CAMTA1: variants seen among roughly 807,000 people sequenced by gnomAD.
The protein encoded by CAMTA1 is calmodulin binding transcription activator 1, also known as calmodulin-binding transcription activator 1.
Under a neutral mutation model 170.9 loss-of-function variants are expected in CAMTA1, and 27 were observed. The observed-to-expected ratio is 0.16, with a 90% CI of 0.12 to 0.22. CAMTA1 has a LOEUF of 0.22. Ranked by LOEUF, CAMTA1 falls within the 10% of genes least tolerant of loss-of-function variation. The pLI, the probability that CAMTA1 is intolerant of heterozygous loss-of-function variation, is 1.00. For synonymous variants in CAMTA1, 833 were observed against 891.5 expected, an observed-to-expected ratio of 0.93 and a Z score of 1.17; for missense variants, 1,619 against 2,217.2, an observed-to-expected ratio of 0.73 and a Z score of 5.42.
At chr1:7,374,108 C>G (rs1481149854) in intron 5 of CAMTA1, among the ~76,000 whole-genome samples, 1 of 152,200 alleles carries the variant, frequency 6.6e-6, no homozygotes, top group Admixed American at 6.5e-5. Context: ...GGAGTTAGTA[C>G]ACGTCATTGA....
At chr1:6,871,080 T>G (rs1438217951) in intron 3 of CAMTA1, among the ~76,000 whole-genome samples, 2 of 152,172 alleles carry the variant, frequency 1.3e-5, no homozygotes, top group Non-Finnish European at 2.9e-5. Flanking sequence ...TAATAACACT[T>G]ATTGATGAAA....
chr1:7,683,177 G>C, intron 11 of CAMTA1, among the ~76,000 whole-genome samples: 1 of 114,898 alleles, frequency 8.7e-6, no homozygotes, highest in African/African-American at 3.2e-5. Context: ...GCGAGACTCT[G>C]TCTCAAAAAA....
chr1:7,697,084 T>C (rs965501828), intron 11 of CAMTA1, among the ~76,000 whole-genome samples: 5 of 152,216 alleles, frequency 3.3e-5, no homozygotes, highest in Admixed American at 3.3e-4. Flanking sequence ...TAGGGCATCC[T>C]GGCCAACTCC....
At chr1:6,909,159 A>G (rs1261070619) in intron 3 of CAMTA1, among the ~76,000 whole-genome samples, 1 of 152,210 alleles carries the variant, frequency 6.6e-6, no homozygotes, top group Admixed American at 6.5e-5. Context: ...AGAAAACTCA[A>G]TTTATTTGTC....
intron 4 of CAMTA1, among the ~76,000 whole-genome samples, chr1:7,124,279 C>G (rs1462646852): frequency 6.6e-6 from 1 of 152,206 alleles, no homozygotes; most frequent in African/African-American, 2.4e-5. Flanking sequence ...CACCTGTCCC[C>G]TGTTGCGTTC....
intron 4 of CAMTA1, among the ~76,000 whole-genome samples, chr1:7,124,937 G>A (rs1307840567): frequency 6.6e-6 from 1 of 152,170 alleles, no homozygotes; most frequent in Non-Finnish European, 1.5e-5. Flanking sequence ...AGGAGATTTT[G>A]TCGGGGGAAG....
intron 11 of CAMTA1, among the ~76,000 whole-genome samples, chr1:7,719,394 T>A (rs1023495445): frequency 2.0e-5 from 3 of 152,328 alleles, no homozygotes; most frequent in African/African-American, 4.8e-5. Context: ...GTTGGTCCGT[T>A]GTTTTGGCAG....
intron 3 of CAMTA1, among the ~76,000 whole-genome samples, chr1:7,083,061 A>T (rs545325993): frequency 6.2e-4 from 95 of 152,284 alleles, no homozygotes; most frequent in African/African-American, 2.2e-3. Flanking sequence ...GACCGGGTGA[A>T]TTGCTTCTTT....
In CAMTA1 at chr1:7,664,462, G is replaced by A. The variant is rs2095985360; in HGVS notation, c.1915G>A (p.Gly639Arg). The change falls in exon 9 of 23, where the codon GGG becomes AGG. Residue 639 changes from glycine (G) to arginine (R), a missense_variant. Physicochemically the swap from Gly to Arg is moderately radical, Grantham distance 125 (BLOSUM62 -2). This residue lies in a region of CAMTA1 where 731 missense variants were observed against 907.6 expected (regional missense o/e 0.81). Coordinates refer to ENST00000303635, the MANE Select transcript of CAMTA1 (RefSeq NM_015215.4). ...CACCCACAGCAGCCTGAGTGACTCT[G>A]GGGGCACCTTCGTGATGCCCACGGT... ...QNTHSSLSDS[G>R]GTFVMPTVKT... The A allele has an allele frequency of 6.2e-7, 1 of 1,613,366 alleles. No individual in the cohort carries two copies. Among genetic ancestry groups the A allele is most frequent in the Non-Finnish European group, 8.5e-7 (1 of 1,180,026 alleles).
chr1:6,953,205 A>C (rs976048667), intron 3 of CAMTA1, among the ~76,000 whole-genome samples: 5 of 152,194 alleles, frequency 3.3e-5, no homozygotes, highest in African/African-American at 1.2e-4. Context: ...CCAGGGATTC[A>C]GTATAGATTC....
intron 5 of CAMTA1, among the ~76,000 whole-genome samples, chr1:7,271,509 A>G (rs1026819709): frequency 1.3e-5 from 2 of 152,102 alleles, no homozygotes; most frequent in African/African-American, 4.8e-5. Context: ...TGAAACCAGA[A>G]GTTGATACTC....
At chr1:7,643,525 A>G (rs898601209) in intron 7 of CAMTA1, among the ~76,000 whole-genome samples, 1 of 152,180 alleles carries the variant, frequency 6.6e-6, no homozygotes, top group South Asian at 2.1e-4. Context: ...CTGCCCATCC[A>G]TCAGACAGGA....
At chr1:7,572,595 G>A (rs928580508) in intron 6 of CAMTA1, among the ~76,000 whole-genome samples, 2 of 152,154 alleles carry the variant, frequency 1.3e-5, no homozygotes, top group African/African-American at 4.8e-5. Flanking sequence ...ATTGAATAAA[G>A]AGTTCTTTCC....
intron 11 of CAMTA1, among the ~76,000 whole-genome samples, chr1:7,691,983 G>GGGAGGGAGGGAAGGAA (rs2096320375): frequency 2.7e-5 from 1 of 36,522 alleles, no homozygotes; most frequent in East Asian, 4.5e-4. Context: ...GAAGGAAGGA[G>GGGAGGGAGGGAAGGAA]GGAGGGAGGG....
chr1:7,645,805 C>T (rs758200284), intron 7 of CAMTA1, among the ~76,000 whole-genome samples: 24 of 152,272 alleles, frequency 1.6e-4, no homozygotes, highest in Non-Finnish European at 2.9e-4. Flanking sequence ...AGGGCCTACG[C>T]CCACACCACA....
intron 3 of CAMTA1, among the ~76,000 whole-genome samples, chr1:6,969,454 C>A (rs1019115850): frequency 3.3e-5 from 5 of 152,112 alleles, no homozygotes; most frequent in Non-Finnish European, 5.9e-5. Context: ...GAACCTGGTC[C>A]GGCTCCTCCC....
chr1:7,705,470 CGT>C (rs971149889), intron 11 of CAMTA1, among the ~76,000 whole-genome samples: 2 of 148,806 alleles, frequency 1.3e-5, no homozygotes, highest in African/African-American at 2.5e-5. Context: ...AGGACGCGCG[CGT>C]GTGTCTGTGT....
intron 6 of CAMTA1, among the ~76,000 whole-genome samples, chr1:7,599,219 T>G (rs934433199): frequency 1.3e-5 from 2 of 152,232 alleles, no homozygotes; most frequent in African/African-American, 4.8e-5. Flanking sequence ...TTTCTTGTTT[T>G]TGTCAGGTTT....
At chr1:7,696,864 T>A (rs1048344931) in intron 11 of CAMTA1, among the ~76,000 whole-genome samples, 5 of 152,116 alleles carry the variant, frequency 3.3e-5, no homozygotes, top group Non-Finnish European at 7.4e-5. Flanking sequence ...GGTGAAGAAG[T>A]GCATGGACAT....
Sources: allele counts gnomAD v4.1 joint callset (sites outside exome capture counted in the v4.1 genomes callset), GRCh38; gene constraint gnomAD v4.1.1; regional missense constraint gnomAD v4.1.1; transcripts MANE v1.5; gene names NCBI Gene and HGNC (gene_info 2026-07-23, HGNC 2026-07-21).